CD2AP: variants seen among roughly 807,000 people sequenced by gnomAD.
The protein encoded by CD2AP is CD2 associated protein.
In CD2AP, 46 loss-of-function variants were observed where a neutral mutation model predicts 85.1. The observed-to-expected ratio is 0.54, with a 90% CI of 0.43 to 0.69. The LOEUF (loss-of-function observed/expected upper bound fraction) is 0.69. CD2AP is among the 30% of genes least tolerant of loss of function. The pLI, the probability that CD2AP is intolerant of heterozygous loss-of-function variation, is 0.00. For synonymous variants in CD2AP, 255 were observed against 252.9 expected, an observed-to-expected ratio of 1.01 and a Z score of -0.08; for missense variants, 769 against 729.5, an observed-to-expected ratio of 1.05 and a Z score of -0.62.
At chr6:47,602,598 A>G (rs996590616) in intron 13 of CD2AP, among the ~76,000 whole-genome samples, 5 of 151,382 alleles carry the variant, frequency 3.3e-5, no homozygotes, top group South Asian at 2.1e-4. Context: ...TTAAAAGGCA[A>G]TTTCATGCCT....
At chr6:47,488,313 TTA>T (rs1366743756) in intron 1 of CD2AP, among the ~76,000 whole-genome samples, 1 of 152,138 alleles carries the variant, frequency 6.6e-6, no homozygotes, top group Non-Finnish European at 1.5e-5. Flanking sequence ...AACTGTAAAA[TTA>T]TAAAATCTTT....
At chr6:47,607,096 A>G (rs1230398766) in intron 14 of CD2AP, among the ~76,000 whole-genome samples, 2 of 150,802 alleles carry the variant, frequency 1.3e-5, no homozygotes, top group Non-Finnish European at 3.0e-5. Context: ...CACTTAACAT[A>G]ATGAACTCTA....
chr6:47,580,131 T>C (rs1768434216), intron 9 of CD2AP, among the ~76,000 whole-genome samples: 1 of 152,244 alleles, frequency 6.6e-6, no homozygotes, highest in Admixed American at 6.5e-5. Flanking sequence ...GCTTAGGCTG[T>C]CTGAGGCCTT....
intron 5 of CD2AP, among the ~76,000 whole-genome samples, chr6:47,568,205 C>T (rs1214897278): frequency 3.9e-5 from 6 of 152,016 alleles, no homozygotes; most frequent in Admixed American, 3.9e-4. Context: ...AAAATAGATG[C>T]CTAGATATTG....
At chr6:47,587,164 T>C (rs1158874703) in intron 11 of CD2AP, among the ~76,000 whole-genome samples, 1 of 152,200 alleles carries the variant, frequency 6.6e-6, no homozygotes, top group East Asian at 1.9e-4. Context: ...TTTCAAATCA[T>C]GGCTAGGACC....
In CD2AP at chr6:47,504,102, AT is replaced by A. The variant is rs1766066874; in HGVS notation, c.165+663del. Among the ~76,000 whole-genome samples the A allele has an allele frequency of 2.6e-5, 4 of 152,348 alleles. No individual in the cohort carries two copies. The South Asian group carries it at 8.3e-4, about 32-fold the overall frequency. On this transcript the variant is annotated intron_variant, in intron 2 of 17. Transcript: ENST00000359314. ...CCAGAAAACAATCTTTAGGGCTCTT[AT>A]CAATTACAAACTTATAAAATTCTCA...
chr6:47,610,147 T>TC (rs1769390777), intron 16 of CD2AP, among the ~76,000 whole-genome samples: 1 of 152,040 alleles, frequency 6.6e-6, no homozygotes, highest in Admixed American at 6.6e-5. Flanking sequence ...ATAGGTGAGC[T>TC]CCCCCTCTGG....
At chr6:47,576,712 C>T (rs977403733) in intron 7 of CD2AP, 110 bp downstream of exon 7, 15 of 849,034 alleles carry the variant, frequency 1.8e-5, no homozygotes, top group Non-Finnish European at 2.8e-5. Flanking sequence ...ATAGCAAATT[C>T]TATTAGATGT....
intron 5 of CD2AP, among the ~76,000 whole-genome samples, chr6:47,562,230 G>A (rs558787067): frequency 1.2e-3 from 180 of 152,196 alleles, no homozygotes; most frequent in African/African-American, 4.2e-3. Flanking sequence ...ATAATTCGTG[G>A]TTTATCAATA....
intron 17 of CD2AP, among the ~76,000 whole-genome samples, chr6:47,617,784 T>A (rs1332787887): frequency 1.3e-5 from 2 of 152,204 alleles, no homozygotes; most frequent in Non-Finnish European, 2.9e-5. Context: ...CATTACATGC[T>A]GAATAAAGTT....
intron 4 of CD2AP, among the ~76,000 whole-genome samples, chr6:47,546,905 A>G (rs1767378684): frequency 6.6e-6 from 1 of 152,174 alleles, no homozygotes; most frequent in South Asian, 2.1e-4. Context: ...TCAGCCAAGA[A>G]TTTTGTATCC....
intron 2 of CD2AP, among the ~76,000 whole-genome samples, chr6:47,509,324 A>T (rs1366500328): frequency 6.6e-6 from 1 of 152,182 alleles, no homozygotes; most frequent in African/African-American, 2.4e-5. Context: ...AGAAGTTTGA[A>T]ATATTGCAAG....
chr6:47,567,817 A>G (rs1562035801), intron 5 of CD2AP, among the ~76,000 whole-genome samples: 3 of 152,228 alleles, frequency 2.0e-5, no homozygotes, highest in Admixed American at 2.0e-4. Context: ...ATAAGAAAAC[A>G]TTACAAAAGT....
intron 2 of CD2AP, among the ~76,000 whole-genome samples, chr6:47,507,359 T>C (rs555715033): frequency 3.3e-5 from 5 of 152,348 alleles, no homozygotes; most frequent in Non-Finnish European, 5.9e-5. Context: ...ACAGATGTTA[T>C]TAATGGCTTC....
At chr6:47,487,323 A>G (rs1010768817) in intron 1 of CD2AP, among the ~76,000 whole-genome samples, 1 of 152,188 alleles carries the variant, frequency 6.6e-6, no homozygotes. Context: ...AAATTATTCT[A>G]AATTCCTATA....
intron 5 of CD2AP, among the ~76,000 whole-genome samples, chr6:47,571,018 C>T (rs1022801818): frequency 1.2e-4 from 18 of 152,100 alleles, no homozygotes; most frequent in Admixed American, 7.9e-4. Flanking sequence ...AAACCCCCTT[C>T]CCTGCCTTTT....
In CD2AP at chr6:47,490,355, A is replaced by G. The variant is rs148222040; in HGVS notation, c.4+12107A>G. Among the ~76,000 whole-genome samples, 179 of 152,242 alleles carry G rather than the reference A, an allele frequency of 1.2e-3. 1 individual carries two copies. The highest frequency in any genetic ancestry group is 3.9e-3 in the African/African-American group (162 of 41,532). On this transcript the variant is annotated intron_variant, in intron 1 of 17. Transcript: ENST00000359314. ...TACTTACATACCCAAAAGTTTTCCT[A>G]GAGTTGTTTTTTGGTGAGTTCTATA... is the stretch of plus-strand genomic sequence containing the variant.
intron 1 of CD2AP, among the ~76,000 whole-genome samples, chr6:47,490,777 C>T (rs1765712595): frequency 6.6e-6 from 1 of 151,918 alleles, no homozygotes; most frequent in Non-Finnish European, 1.5e-5. Flanking sequence ...TTCTCTTTTT[C>T]TCTTTGGATA....
chr6:47,602,659 G>A (rs12191203), intron 13 of CD2AP, among the ~76,000 whole-genome samples: 50,521 of 151,298 alleles, frequency 0.33, 9,300 homozygotes, highest in Middle Eastern at 0.52. Flanking sequence ...TTGCATCCAG[G>A]AGTTAGAGAC....
Sources: allele counts gnomAD v4.1 joint callset (sites outside exome capture counted in the v4.1 genomes callset), GRCh38; gene constraint gnomAD v4.1.1; transcripts MANE v1.5; gene names NCBI Gene and HGNC (gene_info 2026-07-23, HGNC 2026-07-21).